The following ZNF536 variants were observed in gnomAD, a reference collection of about 807,000 sequenced individuals.
The protein encoded by ZNF536 is zinc finger protein 536.
A neutral mutation model predicts 84.5 loss-of-function variants in ZNF536; 13 were observed. The observed-to-expected ratio is 0.15, with a 90% confidence interval of 0.10 to 0.24. ZNF536 has a LOEUF of 0.24. ZNF536 is among the 10% of genes least tolerant of loss of function. ZNF536 has a pLI of 1.00. For synonymous variants in ZNF536, 811 were observed against 742.5 expected, an observed-to-expected ratio of 1.09 and a Z score of -1.50; for missense variants, 1,536 against 1,747.5, an observed-to-expected ratio of 0.88 and a Z score of 2.16.
At chr19:30,459,352 CTCT>C (rs2053027188) in intron 2 of ZNF536, among the ~76,000 whole-genome samples, 2 of 106,578 alleles carry the variant, frequency 1.9e-5, no homozygotes, top group Admixed American at 2.0e-4. Context: ...CTTTCTTTCT[CTCT>C]TTTTTTTTTT....
chr19:30,233,379 C>G (rs1465926682), intron 1 of ZNF536, among the ~76,000 whole-genome samples: 1 of 150,146 alleles, frequency 6.7e-6, no homozygotes, highest in Non-Finnish European at 1.5e-5. Context: ...GAGCCTTGCT[C>G]TGTCATCCAG....
intron 1 of ZNF536, among the ~76,000 whole-genome samples, chr19:30,432,836 C>G (rs866896740): frequency 6.6e-6 from 1 of 152,106 alleles, no homozygotes; most frequent in African/African-American, 2.4e-5. Flanking sequence ...GACTGTCACC[C>G]CTATAGTTGG....
At chr19:30,663,917 C>T (rs1415761685) in intron 1 of ZNF536, among the ~76,000 whole-genome samples, 2 of 152,122 alleles carry the variant, frequency 1.3e-5, no homozygotes, top group African/African-American at 4.8e-5. Flanking sequence ...GCCATAATCC[C>T]CTCTCTGGAA....
At chr19:30,659,248 G>A (rs1394800961) in intron 1 of ZNF536, among the ~76,000 whole-genome samples, 4 of 152,100 alleles carry the variant, frequency 2.6e-5, no homozygotes, top group Non-Finnish European at 5.9e-5. Context: ...TAGTCATGGT[G>A]GAAGGTGAAG....
At chr19:30,599,424 C>T (rs867105785) in intron 1 of ZNF536, among the ~76,000 whole-genome samples, 3 of 85,614 alleles carry the variant, frequency 3.5e-5, no homozygotes, top group Non-Finnish European at 4.9e-5. Flanking sequence ...TTTCCTCCCC[C>T]GTCCCTCCCT....
intron 1 of ZNF536, among the ~76,000 whole-genome samples, chr19:30,673,177 G>A (rs553910037): frequency 3.9e-5 from 6 of 152,254 alleles, no homozygotes; most frequent in South Asian, 2.1e-4. Context: ...GTTCCAGCCC[G>A]CCTAGGACCC....
chr19:30,446,271 A>AAAAAAAAAAAAAAAAAAAG (rs1555767559), intron 2 of ZNF536, among the ~76,000 whole-genome samples: 1 of 147,160 alleles, frequency 6.8e-6, no homozygotes, highest in Non-Finnish European at 1.5e-5. Flanking sequence ...AAAAAAAAAA[A>AAAAAAAAAAAAAAAAAAAG]AAAGAAAGAA....
At chr19:30,652,354 C>G (rs951275581) in intron 1 of ZNF536, among the ~76,000 whole-genome samples, 1 of 152,110 alleles carries the variant, frequency 6.6e-6, no homozygotes, top group Non-Finnish European at 1.5e-5. Flanking sequence ...TACTGAGGCC[C>G]GCTTTATTGG....
chr19:30,580,966 C>A (rs549930098), intron 1 of ZNF536, among the ~76,000 whole-genome samples: 1 of 152,136 alleles, frequency 6.6e-6, no homozygotes, highest in Non-Finnish European at 1.5e-5. Flanking sequence ...GGTCCTCATT[C>A]GATCTGGAAG....
chr19:30,318,877 G>A (rs1319007337), intron 2 of ZNF536, among the ~76,000 whole-genome samples: 1 of 152,186 alleles, frequency 6.6e-6, no homozygotes, highest in East Asian at 1.9e-4. Flanking sequence ...GACTGGATTT[G>A]GAGAGTGCCT....
chr19:30,355,175 A>T (rs978771619), intron 3 of ZNF536, among the ~76,000 whole-genome samples: 1 of 151,960 alleles, frequency 6.6e-6, no homozygotes, highest in Non-Finnish European at 1.5e-5. Flanking sequence ...CAACTGCATG[A>T]TGGTGATGCA....
At chr19:30,247,715 G>T (rs1319058003) in intron 1 of ZNF536, among the ~76,000 whole-genome samples, 1 of 152,148 alleles carries the variant, frequency 6.6e-6, no homozygotes, top group East Asian at 1.9e-4. Flanking sequence ...TTTAGTCCCA[G>T]CTACTTGGGA....
At chr19:30,391,634 C>T (rs1302126365) in intron 1 of ZNF536, among the ~76,000 whole-genome samples, 2 of 152,134 alleles carry the variant, frequency 1.3e-5, no homozygotes, top group African/African-American at 4.8e-5. Flanking sequence ...GAACTTTATT[C>T]CTGGCGCTTA....
intron 1 of ZNF536, among the ~76,000 whole-genome samples, chr19:30,250,949 A>C (rs780440084): frequency 2.1e-4 from 31 of 151,138 alleles, no homozygotes; most frequent in Non-Finnish European, 3.8e-4. Flanking sequence ...ATTTTTGAGG[A>C]GTTTCCAAAG....
intron 1 of ZNF536, among the ~76,000 whole-genome samples, chr19:30,439,645 C>T (rs1296580985): frequency 2.6e-5 from 4 of 152,200 alleles, no homozygotes; most frequent in Non-Finnish European, 4.4e-5. Flanking sequence ...AGCTGACTGT[C>T]GTGGTCCTTT....
chr19:30,313,675 A>G (rs1253443775), intron 2 of ZNF536, among the ~76,000 whole-genome samples: 1 of 152,084 alleles, frequency 6.6e-6, no homozygotes, highest in Non-Finnish European at 1.5e-5. Flanking sequence ...TGCTGTCCCC[A>G]CACTGCCCAC....
chr19:30,638,033 G>A (rs778485161), intron 1 of ZNF536, among the ~76,000 whole-genome samples: 4 of 152,052 alleles, frequency 2.6e-5, no homozygotes, highest in South Asian at 2.1e-4. Flanking sequence ...AGAAGTAGTC[G>A]ATGCAAGCCC....
chr19:30,588,897 C>T (rs2047184913), intron 1 of ZNF536, among the ~76,000 whole-genome samples: 2 of 151,968 alleles, frequency 1.3e-5, no homozygotes, highest in East Asian at 1.9e-4. Context: ...AATAATAGTA[C>T]AGGTGACATG....
chr19:30,640,403 A>C (rs1019064929), intron 1 of ZNF536, among the ~76,000 whole-genome samples: 1 of 152,224 alleles, frequency 6.6e-6, no homozygotes, highest in East Asian at 1.9e-4. Context: ...TAAATAACTA[A>C]AACCAGATTT....
Sources: gnomAD v4.1 joint callset for allele counts (sites outside exome capture counted in the v4.1 genomes callset) on GRCh38, gnomAD v4.1.1 for gene constraint, MANE v1.5 for transcripts, NCBI Gene and HGNC (gene_info 2026-07-23, HGNC 2026-07-21) for gene names.